COL22A1: variants seen among roughly 807,000 people sequenced by gnomAD.
COL22A1 encodes the protein collagen type XXII alpha 1 chain.
In COL22A1, 221 loss-of-function variants were observed where a neutral mutation model predicts 248.9. The observed-to-expected ratio is 0.89, with a 90% CI of 0.80 to 0.99. The LOEUF is 0.99. Among genes scored for constraint, COL22A1 ranks in the 50% least tolerant of loss-of-function variants. The probability of loss-of-function intolerance (pLI) is 0.00; values close to 1 mark genes in which losing one functional copy is unlikely to be tolerated. For missense variants in COL22A1, 2,240 were observed against 2,179.0 expected, an observed-to-expected ratio of 1.03 and a Z score of -0.56; for synonymous variants, 891 against 793.4, an observed-to-expected ratio of 1.12 and a Z score of -2.07.
chr8:138,609,079 G>A (rs895442077), intron 56 of COL22A1, among the ~76,000 whole-genome samples: 7 of 152,204 alleles, frequency 4.6e-5, no homozygotes, highest in South Asian at 2.1e-4. Flanking sequence ...TTGGATTCAC[G>A]GAAGCATGTT....
intron 10 of COL22A1, among the ~76,000 whole-genome samples, chr8:138,806,122 A>G (rs867386620): frequency 2.7e-3 from 46 of 17,182 alleles, no homozygotes; most frequent in Admixed American, 6.1e-3. Flanking sequence ...GTGATGGTGT[A>G]GGTAATGGTG....
intron 41 of COL22A1, 21 bp from the exon 42 acceptor site, chr8:138,663,761 A>G (rs775375687): frequency 6.3e-7 from 1 of 1,596,708 alleles, no homozygotes; most frequent in Admixed American, 1.7e-5. Context: ...ACAAACAAGT[A>G]TGTAAGCAAA....
intron 3 of COL22A1, among the ~76,000 whole-genome samples, chr8:138,856,608 GAGA>G (rs1822037670): frequency 6.6e-6 from 1 of 151,670 alleles, no homozygotes; most frequent in Non-Finnish European, 1.5e-5. Flanking sequence ...GAGAGAGAGA[GAGA>G]GAGAGAGGAG....
rs572407616 is a variant in COL22A1 at position 138,854,888 on chromosome 8, A to ATGGTGGTGATGG, written c.659-10742_659-10731dup. ...GGTGCTGATGGCGACAGTGGTAGCA[A>ATGGTGGTGATGG]TGGTGGTGATGGTGGTGGTGATGGT... On this transcript the variant is annotated intron_variant, in intron 3 of 64. Transcript: ENST00000303045. Among the ~76,000 whole-genome samples, 7 of 151,334 alleles carry ATGGTGGTGATGG rather than the reference A, an allele frequency of 4.6e-5. No homozygotes were observed. The East Asian group carries it at 9.8e-4, about 21-fold the overall frequency.
intron 53 of COL22A1, among the ~76,000 whole-genome samples, chr8:138,617,396 C>T (rs927718459): frequency 1.3e-5 from 2 of 152,104 alleles, no homozygotes; most frequent in African/African-American, 2.4e-5. Flanking sequence ...GTTCCTGTGG[C>T]CATTGCTGGT....
intron 26 of COL22A1, 58 bp downstream of exon 26, chr8:138,721,978 C>A (rs1829899368): frequency 1.6e-6 from 2 of 1,283,752 alleles, no homozygotes; most frequent in Non-Finnish European, 1.1e-6. Context: ...AATCAAGCAT[C>A]TCTTTAGTTT....
At chr8:138,768,448 G>C (rs528478042) in intron 16 of COL22A1, among the ~76,000 whole-genome samples, 2 of 152,214 alleles carry the variant, frequency 1.3e-5, no homozygotes, top group Non-Finnish European at 2.9e-5. Flanking sequence ...GTGGAAGGGC[G>C]TGCACTGTGG....
At chr8:138,700,066 C>G in intron 32 of COL22A1, 46 bp downstream of exon 32, 1 of 1,597,258 alleles carries the variant, frequency 6.3e-7, no homozygotes, top group Non-Finnish European at 8.6e-7. Flanking sequence ...ACATTGCCCT[C>G]CAGGCCGAGG....
At chr8:138,754,875 C>T (rs1458429060) in intron 21 of COL22A1, among the ~76,000 whole-genome samples, 1 of 152,200 alleles carries the variant, frequency 6.6e-6, no homozygotes, top group Non-Finnish European at 1.5e-5. Context: ...CCCAGAAACC[C>T]CCATCATGGC....
chr8:138,643,936 C>T (rs906518230), intron 47 of COL22A1, among the ~76,000 whole-genome samples: 1 of 151,998 alleles, frequency 6.6e-6, no homozygotes, highest in African/African-American at 2.4e-5. Flanking sequence ...TGTGCACAAC[C>T]ATCCCTGGAT....
chr8:138,708,608 C>CT (rs892854308), intron 30 of COL22A1, among the ~76,000 whole-genome samples: 48 of 152,176 alleles, frequency 3.2e-4, no homozygotes, highest in Non-Finnish European at 6.8e-4. Context: ...AACTGGATCC[C>CT]TTCCTTACAC....
intron 14 of COL22A1, among the ~76,000 whole-genome samples, chr8:138,778,790 A>G (rs1198032178): frequency 6.6e-6 from 1 of 152,172 alleles, no homozygotes; most frequent in Non-Finnish European, 1.5e-5. Context: ...AAACATTACA[A>G]CTGATTCCTG....
chr8:138,773,337 G>A (rs1334298282), intron 16 of COL22A1, among the ~76,000 whole-genome samples: 1 of 152,128 alleles, frequency 6.6e-6, no homozygotes, highest in Non-Finnish European at 1.5e-5. Flanking sequence ...TACTGGATTT[G>A]GTTCTGATGA....
chr8:138,626,073 A>T, intron 51 of COL22A1, 117 bp downstream of exon 51: 1 of 743,076 alleles, frequency 1.3e-6, no homozygotes, highest in Non-Finnish European at 2.1e-6. Context: ...TTTCTACAAC[A>T]CTCAAAATTC....
At chr8:138,749,624 A>C (rs146147845) in intron 22 of COL22A1, among the ~76,000 whole-genome samples, 1 of 152,338 alleles carries the variant, frequency 6.6e-6, no homozygotes, top group Non-Finnish European at 1.5e-5. Flanking sequence ...TTTTCTCCTA[A>C]CAACACAGCT....
chr8:138,755,066 A>G, intron 21 of COL22A1, 91 bp downstream of exon 21: 1 of 1,326,896 alleles, frequency 7.5e-7, no homozygotes, highest in Non-Finnish European at 1.1e-6. Flanking sequence ...AGATAATGCC[A>G]TGCTCAGCGC....
chr8:138,735,380 T>C (rs183573294), intron 23 of COL22A1, among the ~76,000 whole-genome samples: 47 of 152,254 alleles, frequency 3.1e-4, no homozygotes, highest in Admixed American at 3.0e-3. Context: ...TGCTACTCCC[T>C]GCCATGAAAG....
intron 18 of COL22A1, 77 bp downstream of exon 18, chr8:138,760,166 C>T: frequency 7.8e-7 from 1 of 1,288,820 alleles, no homozygotes; most frequent in Non-Finnish European, 1.0e-6. Flanking sequence ...TTCCCTGAGC[C>T]TGGTTTGCCA....
At chr8:138,613,312 G>GTGAA (rs1206884886) in intron 56 of COL22A1, among the ~76,000 whole-genome samples, 6 of 151,932 alleles carry the variant, frequency 3.9e-5, no homozygotes, top group African/African-American at 1.5e-4. Flanking sequence ...AGAACACAAT[G>GTGAA]TGAAGATGAA....
Sources: gnomAD v4.1 joint callset for allele counts (sites outside exome capture counted in the v4.1 genomes callset) on GRCh38, gnomAD v4.1.1 for gene constraint, MANE v1.5 for transcripts, NCBI Gene and HGNC (gene_info 2026-07-23, HGNC 2026-07-21) for gene names.